TRPM5: variants seen among roughly 807,000 people sequenced by gnomAD.
The protein encoded by TRPM5 is MLSN1 and TRP-related.
Under a neutral mutation model 124.9 loss-of-function variants are expected in TRPM5, and 121 were observed. The ratio of observed to expected loss-of-function variants is 0.97; its 90% CI spans 0.84 to 1.13. TRPM5 has a LOEUF of 1.13. TRPM5 is among the 50% of genes most tolerant of loss of function. The pLI is 0.00. For missense variants in TRPM5, 1,643 were observed against 1,589.1 expected, an observed-to-expected ratio of 1.03 and a Z score of -0.58; for synonymous variants, 781 against 700.5, an observed-to-expected ratio of 1.11 and a Z score of -1.81.
the TRPM5 span, among the ~76,000 whole-genome samples, chr11:2,435,573 ATCTG>A: frequency 2.7e-5 from 4 of 149,870 alleles, no homozygotes; most frequent in Non-Finnish European, 5.9e-5. This position sits in a 1 kb window ranked among gnomAD's most constrained non-coding sequence, Gnocchi z 4.1. Context: ...CTATCCGTCC[ATCTG>A]TCTGTCCATC....
At chr11:2,425,054 C>T (rs142494973), upstream of TRPM5, among the ~76,000 whole-genome samples, 244 of 152,332 alleles carry the variant, frequency 1.6e-3, 1 homozygote, top group Middle Eastern at 0.014. Flanking sequence ...GATTTGAATA[C>T]GGCCTCCCGC....
intron 18 of TRPM5, among the ~76,000 whole-genome samples, chr11:2,410,374 G>A (rs565280367): frequency 3.5e-4 from 54 of 152,254 alleles, no homozygotes; most frequent in Non-Finnish European, 5.4e-4. Flanking sequence ...TGGGCAGCAC[G>A]TTGTGCCATG....
chr11:2,414,340 G>T, intron 11 of TRPM5, 134 bp from the exon 17 acceptor site: 1 of 1,313,972 alleles, frequency 7.6e-7, no homozygotes, highest in Non-Finnish European at 1.0e-6. Context: ...GCCCAGCCAG[G>T]CCTTCTGCCC....
At position 2,412,271 on chromosome 11, in the gene TRPM5, A is replaced by G; in HGVS notation, c.2356-18T>C. On this transcript the variant is annotated intron_variant, in intron 15 of 23. Coordinates refer to ENST00000155858, the Ensembl canonical transcript of TRPM5. ...AAGAAGCCCTGGGAGGGAGGTGGGC[A>G]GTCCACTGACAGCTGTCCAGCCGCC... is the stretch of plus-strand genomic sequence containing the variant. The G allele has an allele frequency of 6.3e-7, 1 of 1,596,338 alleles. No homozygotes were observed. Among genetic ancestry groups the G allele is most frequent in the Non-Finnish European group, 8.6e-7 (1 of 1,165,010 alleles).
At chr11:2,411,418 A>G (rs1243518457) in exon 18 of TRPM5, 1 of 1,612,264 alleles carries the variant, frequency 6.2e-7, no homozygotes, top group Non-Finnish European at 8.5e-7. Flanking sequence ...ACCCGGCGGA[A>G]GATCCACTCC....
chr11:2,426,729 C>A (rs116129349), upstream of TRPM5, among the ~76,000 whole-genome samples: 228 of 152,308 alleles, frequency 1.5e-3, no homozygotes, highest in African/African-American at 5.1e-3. Flanking sequence ...CTCAGCCTCC[C>A]TGGGCCTGCC....
upstream of TRPM5, among the ~76,000 whole-genome samples, chr11:2,426,183 G>A (rs182179349): frequency 1.7e-4 from 26 of 152,260 alleles, no homozygotes; most frequent in South Asian, 1.0e-3. Flanking sequence ...TCCCGAGGAC[G>A]GGACAGAGCT....
upstream of TRPM5, among the ~76,000 whole-genome samples, chr11:2,423,403 GGGATGACCT>G (rs1205308431): frequency 6.6e-6 from 1 of 152,182 alleles, no homozygotes; most frequent in African/African-American, 2.4e-5. Flanking sequence ...GCCTTTTGTG[GGGATGACCT>G]GGAAACTCCG....
chr11:2,414,009 G>GGGCC, intron 12 of TRPM5, 52 bp downstream of exon 17: 5 of 1,023,732 alleles, frequency 4.9e-6, no homozygotes, highest in Non-Finnish European at 7.2e-6. Flanking sequence ...GGCCCAGCTC[G>GGGCC]CCCGCCCACC....
At chr11:2,423,444 C>A (rs1565016370), upstream of TRPM5, among the ~76,000 whole-genome samples, 1 of 152,224 alleles carries the variant, frequency 6.6e-6, no homozygotes, top group Non-Finnish European at 1.5e-5. Context: ...AGAGGCCTTG[C>A]AGTCCCCTGG....
chr11:2,415,135 C>T (rs761940712), exon 9 of TRPM5: 2 of 1,569,742 alleles, frequency 1.3e-6, no homozygotes, highest in East Asian at 2.3e-5. Flanking sequence ...CTCCTGCGGT[C>T]CCCTGGCCGG....
chr11:2,442,777 G>A, the TRPM5 span, among the ~76,000 whole-genome samples: 1 of 152,166 alleles, frequency 6.6e-6, no homozygotes, highest in Non-Finnish European at 1.5e-5. The surrounding 1 kb of genome is among the most constrained non-coding windows in gnomAD (Gnocchi z 5.9). Flanking sequence ...GCAAGCAGTG[G>A]TATCAGAGTG....
In TRPM5 at chr11:2,413,465, GC is replaced by G. The variant is rs1850496094; in HGVS notation, c.2003+10del. On this transcript the variant is annotated intron_variant, in intron 13 of 23. Coordinates refer to ENST00000155858, the Ensembl canonical transcript of TRPM5. ...CCTGTCCTGGCCGGGCAGCTCACAG[GC>G]CTCACCCACCTGAAGGTGATGAGGT... 1 of 1,602,060 alleles carries G rather than the reference GC, an allele frequency of 6.2e-7. No homozygotes were observed. Among genetic ancestry groups the G allele is most frequent in the Non-Finnish European group, 8.5e-7 (1 of 1,174,002 alleles).
At chr11:2,422,467 G>C in intron 1 of TRPM5, 146 bp from the exon 7 acceptor site, 1 of 583,586 alleles carries the variant, frequency 1.7e-6, no homozygotes, top group South Asian at 2.0e-5. Flanking sequence ...GGCATCAAGG[G>C]GGCTGGACAC....
chr11:2,423,374 T>G (rs1321370884), upstream of TRPM5, among the ~76,000 whole-genome samples: 1 of 152,178 alleles, frequency 6.6e-6, no homozygotes, highest in Non-Finnish European at 1.5e-5. Flanking sequence ...TGGCCACACC[T>G]GCAGACATTT....
rs554487602 is a variant in TRPM5, at chr11:2,408,000, C to T, written c.2783-88G>A. 8 of 1,520,744 alleles carry T rather than the reference C, an allele frequency of 5.3e-6. No homozygotes were observed. The South Asian group carries it at 8.8e-5, about 17-fold the overall frequency. The allele number at this position is 1,520,744 out of a possible 1,614,324, so 94.2% of individuals were successfully genotyped here. A position where few individuals can be genotyped will look rare whatever the true frequency, so the allele number is the denominator to read the frequency against. ...ATGCCCCGAGATAGAGCGCTGAGTC[C>T]TGGTGTTGAACCCAGGGGACGGGGT... On this transcript the variant is annotated intron_variant, in intron 18 of 23. Transcript: ENST00000155858.
At chr11:2,407,091 A>C in intron 20 of TRPM5, 28 bp downstream of exon 25, 1 of 1,042,694 alleles carries the variant, frequency 9.6e-7, no homozygotes, top group Non-Finnish European at 1.3e-6. Context: ...GGCCTCACCC[A>C]GGTGCTCCCG....
At chr11:2,417,530 A>G (rs958410116) in intron 7 of TRPM5, among the ~76,000 whole-genome samples, 197 bp downstream of exon 12, 6 of 152,278 alleles carry the variant, frequency 3.9e-5, no homozygotes, top group Admixed American at 1.3e-4. Flanking sequence ...AGCTTTAAGT[A>G]TAGTTTTAAG....
chr11:2,415,782 C>T (rs1484990529), intron 8 of TRPM5, 124 bp downstream of exon 13: 24 of 752,508 alleles, frequency 3.2e-5, no homozygotes, highest in Admixed American at 9.5e-5. Flanking sequence ...GGTCTTGCCC[C>T]GGACCTTGGG....
Sources: allele counts gnomAD v4.1 joint callset (sites outside exome capture counted in the v4.1 genomes callset), GRCh38; gene constraint gnomAD v4.1.1; non-coding constraint Gnocchi (gnomAD v3.1); transcripts MANE v1.5; gene names NCBI Gene and HGNC (gene_info 2026-07-23, HGNC 2026-07-21).